DAB2IP: variants seen among roughly 807,000 people sequenced by gnomAD.
DAB2IP encodes disabled homolog 2-interacting protein.
Under a neutral mutation model 107.2 loss-of-function variants are expected in DAB2IP, and 28 were observed. The ratio of observed to expected loss-of-function variants is 0.26; its 90% CI spans 0.19 to 0.36. DAB2IP has a LOEUF of 0.36. Ranked by LOEUF, DAB2IP falls within the 10% of genes least tolerant of loss-of-function variation. The pLI, the probability that DAB2IP is intolerant of heterozygous loss-of-function variation, is 1.00. For synonymous variants in DAB2IP, 755 were observed against 706.4 expected (o/e 1.07, Z -1.09); for missense variants, 1,400 against 1,644.7 (o/e 0.85, Z 2.57).
In DAB2IP at chr9:121,757,803, T is replaced by C. The variant is rs576847394; in HGVS notation, c.516+637T>C. 4.7e-4 allele frequency among the ~76,000 whole-genome samples: 71 copies of C among 150,774 alleles called. 3 individuals carry two copies. The highest frequency in any genetic ancestry group is 1.6e-3 in the African/African-American group (66 of 40,082). On this transcript the variant is annotated intron_variant, in intron 4 of 15. Transcript: ENST00000408936. ...GAGTTACTAATTGCTTCTGCAGTTA[T>C]TCATATTGCTTCCTACCAGTTTCTG...
chr9:121,587,135 C>T (rs896113827), intron 1 of DAB2IP, among the ~76,000 whole-genome samples: 4 of 152,146 alleles, frequency 2.6e-5, no homozygotes, highest in African/African-American at 7.2e-5. Context: ...AATGAAGGCT[C>T]GGAGAAGCGA....
intron 1 of DAB2IP, among the ~76,000 whole-genome samples, chr9:121,660,411 C>T (rs1222160963): frequency 6.6e-6 from 1 of 152,186 alleles, no homozygotes; most frequent in Non-Finnish European, 1.5e-5. Flanking sequence ...GAACTCTTAA[C>T]AACCCTCAAG....
chr9:121,622,313 T>A (rs191704435), intron 1 of DAB2IP, among the ~76,000 whole-genome samples: 328 of 152,294 alleles, frequency 2.2e-3, no homozygotes, highest in Non-Finnish European at 4.2e-3. Context: ...ACCCTCCCCT[T>A]GGCTCCTTCC....
At chr9:121,638,674 G>T (rs367628769) in intron 1 of DAB2IP, among the ~76,000 whole-genome samples, 24 of 152,296 alleles carry the variant, frequency 1.6e-4, no homozygotes, top group African/African-American at 5.8e-4. Flanking sequence ...CTGTGTTTCA[G>T]ATTTCACTCT....
chr9:121,766,812 AG>A, intron 9 of DAB2IP, 82 bp downstream of exon 9: 15 of 1,370,370 alleles, frequency 1.1e-5, no homozygotes, highest in Non-Finnish European at 1.5e-5. Context: ...TCTGCCCCCA[AG>A]CTGAGCAGAG....
At chr9:121,667,616 G>C (rs552925715) in intron 1 of DAB2IP, among the ~76,000 whole-genome samples, 1 of 151,978 alleles carries the variant, frequency 6.6e-6, no homozygotes, top group African/African-American at 2.4e-5. Context: ...TCAGCCTCCT[G>C]AGTAGTTGGG....
intron 3 of DAB2IP, among the ~76,000 whole-genome samples, chr9:121,755,903 G>A (rs1833445336): frequency 6.6e-6 from 1 of 152,196 alleles, no homozygotes; most frequent in Non-Finnish European, 1.5e-5. Context: ...TGGCGAGGCA[G>A]GGAGAGAATG....
rs1832756218 is a variant in DAB2IP, at chr9:121,651,858, G to A, written c.83G>A (p.Arg28Gln). 4 of 1,460,340 alleles carry A rather than the reference G, an allele frequency of 2.7e-6. No homozygotes were observed. Among genetic ancestry groups the A allele is most frequent in the Non-Finnish European group, 3.6e-6 (4 of 1,102,518 alleles). 90.5% of individuals were successfully genotyped at this position (1,460,340 alleles called of 1,614,324 possible). ...CTGCTGAGGCGGCCCCGGCTGCAGC[G>A]ACAGAGGAGCCGCTCCCGCAGCCGG... The change falls in exon 1 of 16, where the codon CGA becomes CAA. Residue 28 changes from arginine (R) to glutamine (Q), a missense_variant. Physicochemically the swap from Arg to Gln is conservative, Grantham distance 43 (BLOSUM62 1). Transcript: ENST00000408936. This position sits in a 1 kb window ranked among gnomAD's most constrained non-coding sequence, Gnocchi z 5.1.
intron 1 of DAB2IP, among the ~76,000 whole-genome samples, chr9:121,580,815 C>T (rs181048344): frequency 1.7e-4 from 26 of 152,222 alleles, no homozygotes; most frequent in African/African-American, 5.5e-4. Context: ...TTAGTAGAGA[C>T]GGGGTTTCAC....
intron 3 of DAB2IP, among the ~76,000 whole-genome samples, chr9:121,711,643 C>G (rs914837052): frequency 2.0e-5 from 3 of 152,192 alleles, no homozygotes; most frequent in Non-Finnish European, 4.4e-5. Flanking sequence ...CCCTTAGTAC[C>G]TGCAGGAGTA....
exon 1 of DAB2IP, chr9:121,567,128 C>T: frequency 6.2e-7 from 1 of 1,608,344 alleles, no homozygotes; most frequent in East Asian, 2.2e-5. Flanking sequence ...AACCCAGACG[C>T]TCATGGAGAC....
chr9:121,678,774 G>A (rs375552302), exon 2 of DAB2IP: 17 of 1,589,682 alleles, frequency 1.1e-5, no homozygotes, highest in Middle Eastern at 1.7e-4. Context: ...ACGCCGTTCC[G>A]GGTCACGGTA....
chr9:121,749,150 A>G (rs1344551758), intron 3 of DAB2IP, among the ~76,000 whole-genome samples: 3 of 152,160 alleles, frequency 2.0e-5, no homozygotes, highest in Non-Finnish European at 4.4e-5. Flanking sequence ...CTGGGATCCC[A>G]GCTGGGCCAG....
intron 6 of DAB2IP, among the ~76,000 whole-genome samples, chr9:121,761,652 G>A (rs904617571): frequency 1.3e-5 from 2 of 152,178 alleles, no homozygotes; most frequent in African/African-American, 4.8e-5. Flanking sequence ...ATGGACCCGC[G>A]ATGGGGAGCA....
chr9:121,778,071 G>T (rs529874198), intron 14 of DAB2IP, among the ~76,000 whole-genome samples: 1 of 152,318 alleles, frequency 6.6e-6, no homozygotes, highest in Admixed American at 6.5e-5. Context: ...AACAGAATAT[G>T]TATTGCCCTC....
At position 121,715,100 on chromosome 9, in the gene DAB2IP, C is replaced by T. The variant is rs536752761; in HGVS notation, c.362+15642C>T. Among the ~76,000 whole-genome samples the T allele has an allele frequency of 1.3e-4, 20 of 152,344 alleles. No homozygotes were observed. In the East Asian group the frequency reaches 2.9e-3, roughly 22 times the overall value. The stretch of plus-strand genomic sequence containing the variant: ...GGAACCCATGCCAAGGGGCATGCCC[C>T]GTTGCTCCAGGGAGCTGGCCTTGGC... On this transcript the variant is annotated intron_variant, in intron 3 of 15. Transcript: ENST00000408936.
upstream of DAB2IP, among the ~76,000 whole-genome samples, chr9:121,648,329 C>T (rs56297745): frequency 0.018 from 2,805 of 152,150 alleles, 104 homozygotes; most frequent in African/African-American, 0.064. Flanking sequence ...CAGGAATGCA[C>T]CAGGTGGGTG....
chr9:121,632,831 GA>G (rs1374960517), intron 1 of DAB2IP, among the ~76,000 whole-genome samples: 1 of 152,226 alleles, frequency 6.6e-6, no homozygotes. Flanking sequence ...CCCTGAAGAG[GA>G]ATGCGGTGGG....
At chr9:121,640,855 G>A (rs1165453740) in intron 1 of DAB2IP, among the ~76,000 whole-genome samples, 2 of 152,160 alleles carry the variant, frequency 1.3e-5, no homozygotes, top group African/African-American at 4.8e-5. Context: ...GTTGTGGGAA[G>A]GCAGCTTCAC....
Sources: gnomAD v4.1 joint callset for allele counts (sites outside exome capture counted in the v4.1 genomes callset) on GRCh38, gnomAD v4.1.1 for gene constraint, Gnocchi (gnomAD v3.1) non-coding constraint, MANE v1.5 for transcripts, NCBI Gene and HGNC (gene_info 2026-07-23, HGNC 2026-07-21) for gene names.